The following SRPRB variants were observed in gnomAD, a reference collection of about 807,000 sequenced individuals.
SRPRB encodes the protein signal recognition particle receptor subunit beta.
In SRPRB, 20 loss-of-function variants were observed where a neutral mutation model predicts 31.9. That is an observed-to-expected ratio of 0.63 (90% confidence interval 0.44 to 0.91). The LOEUF (loss-of-function observed/expected upper bound fraction) is 0.91, where lower values mean the gene tolerates loss of function less well. Ranked by LOEUF, SRPRB falls within the 40% of genes least tolerant of loss-of-function variation. The pLI, the probability that SRPRB is intolerant of heterozygous loss-of-function variation, is 0.00. For missense variants in SRPRB, 321 were observed against 324.9 expected, an observed-to-expected ratio of 0.99 and a Z score of 0.09; for synonymous variants, 146 against 132.8, an observed-to-expected ratio of 1.10 and a Z score of -0.68.
At chr3:133,797,806 A>C (rs1321422243) in intron 1 of SRPRB, among the ~76,000 whole-genome samples, 1 of 152,238 alleles carries the variant, frequency 6.6e-6, no homozygotes, top group Non-Finnish European at 1.5e-5. Flanking sequence ...AGGTAGTAAA[A>C]TATCCCTTTA....
intron 4 of SRPRB, among the ~76,000 whole-genome samples, chr3:133,815,368 T>C (rs1935347412): frequency 6.6e-6 from 1 of 152,188 alleles, no homozygotes; most frequent in Non-Finnish European, 1.5e-5. Context: ...CATCATTTCT[T>C]ACTGTCTTTT....
At chr3:133,827,722 C>T (rs568212959), downstream of SRPRB, 302 of 580,938 alleles carry the variant, frequency 5.2e-4, 2 homozygotes, top group South Asian at 6.0e-3. Context: ...ATGGATCTTT[C>T]AAGGTGGTGG....
At chr3:133,803,923 C>G (rs1429621034), upstream of SRPRB, among the ~76,000 whole-genome samples, 1 of 150,728 alleles carries the variant, frequency 6.6e-6, no homozygotes, top group Non-Finnish European at 1.5e-5. Flanking sequence ...GGTGAAACCC[C>G]GTCTCTACTA....
upstream of SRPRB, among the ~76,000 whole-genome samples, chr3:133,801,557 A>G (rs1935062913): frequency 6.6e-6 from 1 of 152,128 alleles, no homozygotes; most frequent in Admixed American, 6.5e-5. Context: ...CTCTTCATTC[A>G]CATAGCTCTG....
chr3:133,797,729 T>C (rs1035700491), intron 1 of SRPRB, among the ~76,000 whole-genome samples: 17 of 152,214 alleles, frequency 1.1e-4, no homozygotes, highest in African/African-American at 4.1e-4. Flanking sequence ...TGTATGTGAA[T>C]TTTAGTTAAT....
chr3:133,806,547 C>A, intron 1 of SRPRB, 62 bp from the exon 2 acceptor site: 1 of 1,267,010 alleles, frequency 7.9e-7, no homozygotes, highest in Non-Finnish European at 1.2e-6. Context: ...CCCACCCCAG[C>A]CATGCACATA....
intron 4 of SRPRB, among the ~76,000 whole-genome samples, chr3:133,814,549 C>G (rs368056987): frequency 1.9e-4 from 29 of 152,294 alleles, no homozygotes; most frequent in African/African-American, 5.1e-4. Context: ...AGTAACTCTT[C>G]TGCCTCAGAC....
At chr3:133,821,834 C>G (rs6769792), downstream of SRPRB, among the ~76,000 whole-genome samples, 1 of 152,178 alleles carries the variant, frequency 6.6e-6, no homozygotes, top group Admixed American at 6.5e-5. Flanking sequence ...TGGAGTGTCA[C>G]GTGTGCCTTT....
chr3:133,805,967 T>C lies in SRPRB; in HGVS notation c.119T>C (p.Val40Ala), dbSNP rs747430488. 38 of 1,613,380 alleles carry C rather than the reference T, an allele frequency of 2.4e-5. No homozygotes were observed. The highest frequency in any genetic ancestry group is 2.8e-5 in the Non-Finnish European group (33 of 1,179,560). ...CAGACGGACCCAACGCTGTTGTCAGTAGTGGTGGCGGTTCTTGCGGTGCTG... is the reference window on the plus strand; with the variant it reads ...CAGACGGACCCAACGCTGTTGTCAGCAGTGGTGGCGGTTCTTGCGGTGCTG... ...LQQTDPTLLSVVVAVLAVLLT... is the reference protein window; with the variant it reads ...LQQTDPTLLSAVVAVLAVLLT... Residue 40 changes from valine to alanine, a missense_variant, in exon 1 of 7, where the codon GTA becomes GCA. Coordinates refer to ENST00000678299, the MANE Select transcript of SRPRB (RefSeq NM_001379313.1).
Position 133,819,679 on chromosome 3 carries a change from C to T in SRPRB, c.729C>T (p.Phe243=). The T allele has an allele frequency of 6.2e-7, 1 of 1,614,148 alleles. No homozygotes were observed. The highest frequency in any genetic ancestry group is 8.5e-7 in the Non-Finnish European group (1 of 1,180,042). ...CACAGTTGCCCCTCAAAGTGGAGTTCCTGGAGTGCAGTGCCAAGGGTGGAA... is the reference window on the plus strand; with the variant it reads ...CACAGTTGCCCCTCAAAGTGGAGTTTCTGGAGTGCAGTGCCAAGGGTGGAA... ...EFSQLPLKVE[F]LECSAKGGRG... The change falls in exon 7 of 7, where the codon TTC becomes TTT. Residue 243 remains phenylalanine, a synonymous_variant. Coordinates refer to ENST00000678299, the MANE Select transcript of SRPRB (RefSeq NM_001379313.1).
chr3:133,790,043 C>G (rs1934793842), intron 1 of SRPRB: 1 of 152,168 alleles, frequency 6.6e-6, no homozygotes, highest in Non-Finnish European at 1.5e-5. Flanking sequence ...AGGGAAATAA[C>G]TGACTTTAAA....
At chr3:133,806,138 C>T in intron 1 of SRPRB, 136 bp downstream of exon 1, 1 of 1,169,962 alleles carries the variant, frequency 8.5e-7, no homozygotes, top group Non-Finnish European at 1.2e-6. Flanking sequence ...ACCCAGTCTA[C>T]ACCCCACCCT....
Position 133,819,610 on chromosome 3 carries a change from T to G in SRPRB, c.660T>G (p.Thr220=), listed in dbSNP as rs1935431862. The G allele has an allele frequency of 6.2e-7, 1 of 1,614,108 alleles. No individual in the cohort carries two copies. Among genetic ancestry groups the G allele is most frequent in the African/African-American group, 1.3e-5 (1 of 74,944 alleles). The change falls in exon 7 of 7, where the codon ACT becomes ACG. Residue 220 remains threonine, a synonymous_variant. Transcript: ENST00000678299. ...CCAGCACACTGGACAGTTCCAGCAC[T>G]GCCCCTGCTCAGCTGGGGAAGAAAG... ...AAPSTLDSSS[T]APAQLGKKGK...
chr3:133,807,867 C>G, intron 3 of SRPRB, 44 bp downstream of exon 3: 1 of 1,468,368 alleles, frequency 6.8e-7, no homozygotes, highest in Non-Finnish European at 9.4e-7. Flanking sequence ...TCTTACTTTA[C>G]TGTGGTGTGT....
intron 1 of SRPRB, chr3:133,790,734 G>A (rs988685639): frequency 1.3e-5 from 2 of 152,198 alleles, no homozygotes; most frequent in Admixed American, 1.3e-4. Context: ...TGCTTGCATT[G>A]CTTCACACTG....
chr3:133,791,150 T>C (rs1235216771), intron 1 of SRPRB: 1 of 152,218 alleles, frequency 6.6e-6, no homozygotes, highest in Non-Finnish European at 1.5e-5. Context: ...GTTCCATTTA[T>C]CTGGAATTCC....
chr3:133,787,230 C>T (rs894892572), intron 1 of SRPRB: 1 of 152,126 alleles, frequency 6.6e-6, no homozygotes, highest in Non-Finnish European at 1.5e-5. Context: ...AAAATTAGCA[C>T]ATTTTGCACA....
intron 1 of SRPRB, chr3:133,793,165 C>A (rs1366563983): frequency 6.6e-6 from 1 of 151,804 alleles, no homozygotes. Context: ...AACTACCCCC[C>A]CACCAAAAAA....
intron 3 of SRPRB, among the ~76,000 whole-genome samples, chr3:133,809,943 T>A (rs1219662553): frequency 1.3e-5 from 2 of 152,212 alleles, no homozygotes; most frequent in East Asian, 3.8e-4. Context: ...TCTACTATAT[T>A]TCTATTCTAT....
Sources: gnomAD v4.1 joint callset for allele counts (sites outside exome capture counted in the v4.1 genomes callset) on GRCh38, gnomAD v4.1.1 for gene constraint, MANE v1.5 for transcripts, NCBI Gene and HGNC (gene_info 2026-07-23, HGNC 2026-07-21) for gene names.